Variants in ATP5ME observed in about 807,000 individuals in gnomAD.
ATP5ME encodes ATP synthase membrane subunit e, also known as ATP synthase F(0) complex subunit e, mitochondrial.
ATP5ME carries 10 observed loss-of-function variants against 11.6 expected under a neutral mutation model. The ratio of observed to expected loss-of-function variants is 0.86; its 90% CI spans 0.53 to 1.46. The LOEUF is 1.46. Ranked by LOEUF, ATP5ME falls within the 40% of genes most tolerant of loss-of-function variation. The pLI, the probability that ATP5ME is intolerant of heterozygous loss-of-function variation, is 0.00. For synonymous variants in ATP5ME, 45 were observed against 33.5 expected, an observed-to-expected ratio of 1.34 and a Z score of -1.19; for missense variants, 115 against 85.4, an observed-to-expected ratio of 1.35 and a Z score of -1.37.
rs150476333 is a variant in ATP5ME, at chr4:673,308, G to A, written c.185C>T (p.Ala62Val). 3.7e-6 allele frequency: 6 copies of A among 1,614,064 alleles called. No individual in the cohort carries two copies. In the African/African-American group the frequency reaches 4.0e-5, roughly 11 times the overall value. Reference sequence around the variant, plus strand: ...AGAGCCAGTGTCACTCGTACCTTCTGCCAATTCTCTGGCAATCCGTTTCAG... The same window carrying A: ...AGAGCCAGTGTCACTCGTACCTTCTACCAATTCTCTGGCAATCCGTTTCAG... ...DELKRIARELAEDDSILK is the reference protein window; with the variant it reads ...DELKRIARELVEDDSILK The change falls in exon 3 of 4, where the codon GCA (alanine) becomes GTA (valine). Residue 62 changes from alanine to valine, a missense_variant. Coordinates refer to ENST00000304312, the MANE Select transcript of ATP5ME (RefSeq NM_007100.4).
At chr4:673,631 G>C (rs933119396) in intron 2 of ATP5ME, 3 of 789,290 alleles carry the variant, frequency 3.8e-6, no homozygotes, top group South Asian at 1.8e-5. Flanking sequence ...CGTCCTCTGC[G>C]AACAGGGACT....
chr4:673,571 C>T (rs1020833350), intron 2 of ATP5ME, 170 bp from the exon 3 acceptor site: 3 of 1,223,646 alleles, frequency 2.5e-6, no homozygotes, highest in Non-Finnish European at 3.4e-6. Flanking sequence ...CGAGTCCAAC[C>T]CAGAGGCTAC....
chr4:674,048 G>T (rs1338350116), intron 1 of ATP5ME, 82 bp from the exon 2 acceptor site: 3 of 1,511,362 alleles, frequency 2.0e-6, no homozygotes, highest in African/African-American at 1.4e-5. Context: ...CGGGGTCGCT[G>T]GGCAGAGGTC....
chr4:672,840 C>T (rs540915856), intron 3 of ATP5ME, among the ~76,000 whole-genome samples: 1 of 152,176 alleles, frequency 6.6e-6, no homozygotes, highest in African/African-American at 2.4e-5. Context: ...CTCCGCCTCC[C>T]GGGTTCAAGC....
At position 673,375 on chromosome 4, in the gene ATP5ME, C is replaced by T. The variant is rs1468620717; in HGVS notation, c.118G>A (p.Glu40Lys). ...YNYLKPRAEE[E>K]RRIAAEEKKK... is the part of the protein sequence containing the mutation. Reference sequence around the variant, plus strand: ...TTCTCTTCTGCTGCTATCCTCCTCTCCTCTTCTGCCCGAGGTTTTAGGTAA... The same window carrying T: ...TTCTCTTCTGCTGCTATCCTCCTCTTCTCTTCTGCCCGAGGTTTTAGGTAA... Residue 40 changes from glutamate (E) to lysine (K), a missense_variant, in exon 3 of 4, where the codon GAG becomes AAG. Transcript: ENST00000304312. 3 of 1,614,186 alleles carry T rather than the reference C, an allele frequency of 1.9e-6. No individual in the cohort carries two copies. Among genetic ancestry groups the T allele is most frequent in the South Asian group, 2.2e-5 (2 of 91,084 alleles).
chr4:673,612 T>G (rs1226123529), intron 2 of ATP5ME: 2 of 851,918 alleles, frequency 2.3e-6, no homozygotes, highest in Non-Finnish European at 3.6e-6. Flanking sequence ...GCTCACGCAC[T>G]GGCTCACTCG....
intron 1 of ATP5ME, 59 bp from the exon 2 acceptor site, chr4:674,025 G>A (rs996112479): frequency 6.5e-7 from 1 of 1,529,492 alleles, no homozygotes. Flanking sequence ...GGGGGTCGCG[G>A]GAGGAGGGGG....
chr4:672,717 G>A (rs1470784614), intron 3 of ATP5ME, among the ~76,000 whole-genome samples, 198 bp from the exon 4 acceptor site: 1 of 150,986 alleles, frequency 6.6e-6, no homozygotes, highest in Non-Finnish European at 1.5e-5. Flanking sequence ...TCAGCCTTCT[G>A]AGTAGCTGGG....
intron 3 of ATP5ME, among the ~76,000 whole-genome samples, chr4:672,855 C>T (rs1738590850): frequency 2.0e-5 from 3 of 152,242 alleles, no homozygotes; most frequent in Admixed American, 2.0e-4. Flanking sequence ...TCAAGCAATT[C>T]TCATGCCTCA....
chr4:674,143 G>A, intron 1 of ATP5ME, 69 bp downstream of exon 1: 1 of 1,541,804 alleles, frequency 6.5e-7, no homozygotes, highest in Non-Finnish European at 8.8e-7. Flanking sequence ...CAGCCCGCGG[G>A]GTCGGAGCTG....
At chr4:674,156 G>C in intron 1 of ATP5ME, 56 bp downstream of exon 1, 1 of 1,584,868 alleles carries the variant, frequency 6.3e-7, no homozygotes, top group Non-Finnish European at 8.6e-7. Context: ...CGGAGCTGCG[G>C]GGCGGGACAC....
At position 673,913 on chromosome 4, in the gene ATP5ME, G is replaced by A. The variant is rs1257428628; in HGVS notation, c.90C>T (p.Tyr30=). ...FLGVAYGATR[Y]NYLKPRAEEE... is the part of the protein sequence containing the mutation. The stretch of plus-strand genomic sequence containing the variant: ...CCGGCCCCGCCCGCGGTCACTCACT[G>A]TAGCGCGTGGCTCCGTAGGCCACAC... The change falls in exon 2 of 4, where the codon TAC becomes TAT. Residue 30 remains tyrosine (Y), a splice_region_variant and synonymous_variant. Transcript: ENST00000304312. 6.5e-7 allele frequency: 1 copy of A among 1,546,232 alleles called. No homozygotes were observed. The highest frequency in any genetic ancestry group is 2.0e-5 in the Admixed American group (1 of 50,998).
Position 672,450 on chromosome 4 carries a change from G to A in ATP5ME, c.*50C>T, listed in dbSNP as rs917281548. The A allele has an allele frequency of 3.7e-6, 6 of 1,612,168 alleles. No individual in the cohort carries two copies. The highest frequency in any genetic ancestry group is 2.2e-5 in the East Asian group (1 of 44,892). On this transcript the variant is annotated 3_prime_UTR_variant, in exon 4 of 4. Coordinates refer to ENST00000304312, the MANE Select transcript of ATP5ME (RefSeq NM_007100.4). ...AGGAGCCGGAGTATCACACAACACA[G>A]GAAGCTTTATTCATCCGCTGCTGGT...
At chr4:672,809 G>A (rs1025543697) in intron 3 of ATP5ME, among the ~76,000 whole-genome samples, 2 of 152,082 alleles carry the variant, frequency 1.3e-5, no homozygotes, top group Admixed American at 6.6e-5. Flanking sequence ...GTGCAGTGGC[G>A]TGATCTCAGC....
Position 674,229 on chromosome 4 carries a change from C to G in ATP5ME, c.19G>C (p.Val7Leu). Residue 7 changes from valine to leucine, a missense_variant, in exon 1 of 4, where the codon GTC becomes CTC. Coordinates refer to ENST00000304312, the MANE Select transcript of ATP5ME (RefSeq NM_007100.4). ...TGGATCACCTTGATGAGCGGAGAGA[C>G]CTGCACCGGTGGCACCATCTTGTCC... MVPPVQ[V>L]SPLIKLGRYS... is the part of the protein sequence containing the mutation. The G allele has an allele frequency of 6.2e-7, 1 of 1,611,982 alleles. No homozygotes were observed. Among genetic ancestry groups the G allele is most frequent in the Middle Eastern group, 1.7e-4 (1 of 6,052 alleles).
At position 673,592 on chromosome 4, in the gene ATP5ME, C is replaced by T. The variant is rs540357363; in HGVS notation, c.92-191G>A. ...CAACCCAGAGGCTACAGGGCCCCTG[C>T]TGCCCACCCGCTCACGCACTGGCTC... On this transcript the variant is annotated intron_variant, in intron 2 of 3. Transcript: ENST00000304312. 1.7e-5 allele frequency: 17 copies of T among 995,594 alleles called. No homozygotes were observed. The South Asian group carries it at 2.8e-4, about 16-fold the overall frequency. The allele number at this position is 995,594 out of a possible 1,614,324, so 61.7% of individuals were successfully genotyped here. A position where few individuals can be genotyped will look rare whatever the true frequency, so the allele number is the denominator to read the frequency against.
chr4:672,819 C>G (rs951344540), intron 3 of ATP5ME, among the ~76,000 whole-genome samples: 12 of 152,176 alleles, frequency 7.9e-5, no homozygotes, highest in Non-Finnish European at 1.5e-5. Context: ...GTGATCTCAG[C>G]TCACTGCAAC....
intron 3 of ATP5ME, among the ~76,000 whole-genome samples, chr4:673,044 G>A (rs1330920835): frequency 6.6e-6 from 1 of 152,154 alleles, no homozygotes; most frequent in African/African-American, 2.4e-5. Context: ...CACCGCACCG[G>A]GCCATGCCCG....
intron 2 of ATP5ME, 146 bp from the exon 3 acceptor site, chr4:673,547 G>T: frequency 1.4e-6 from 2 of 1,412,294 alleles, no homozygotes; most frequent in South Asian, 2.7e-5. Context: ...GTCAACGCCT[G>T]ACCTTCACCC....
Sources: gnomAD v4.1 joint callset for allele counts (sites outside exome capture counted in the v4.1 genomes callset) on GRCh38, gnomAD v4.1.1 for gene constraint, MANE v1.5 for transcripts, NCBI Gene and HGNC (gene_info 2026-07-23, HGNC 2026-07-21) for gene names.